Variants in HPSE2 observed in about 807,000 individuals in gnomAD.
HPSE2 encodes the protein inactive heparanase-2.
HPSE2 carries 38 observed loss-of-function variants against 60.5 expected under a neutral mutation model. The observed-to-expected ratio is 0.63, with a 90% confidence interval of 0.48 to 0.82. The LOEUF (loss-of-function observed/expected upper bound fraction) is 0.82, where lower values mean the gene tolerates loss of function less well. HPSE2 is among the 40% of genes least tolerant of loss of function. The pLI is 0.00. For missense variants in HPSE2, 713 were observed against 740.4 expected (o/e 0.96, Z 0.43); for synonymous variants, 295 against 293.2 (o/e 1.01, Z -0.06).
In HPSE2 at chr10:99,235,552, TC is replaced by T. The variant is rs765758234; in HGVS notation, c.250del (p.Asp84IlefsTer13). On this transcript the variant is annotated frameshift_variant, in exon 1 of 12. Transcript: ENST00000370552. LOFTEE classifies it high-confidence loss of function. ...CCAGCCATCATGAATGATGGACGGA[TC>T]CAGCTGCAGAGAGAGGAAGTTCTCA... ...VNENFLSLQL[D>X]PSIIHDGWLD... The T allele has an allele frequency of 1.2e-5, 19 of 1,613,966 alleles. No individual in the cohort carries two copies. Among genetic ancestry groups the T allele is most frequent in the Non-Finnish European group, 1.5e-5 (18 of 1,180,036 alleles).
At chr10:98,527,163 C>T (rs1489860387) in intron 9 of HPSE2, among the ~76,000 whole-genome samples, 1 of 152,122 alleles carries the variant, frequency 6.6e-6, no homozygotes, top group Non-Finnish European at 1.5e-5. Context: ...ATTGCCATTA[C>T]CTTAGTTGAG....
chr10:98,520,508 TG>T (rs1348480822), intron 9 of HPSE2, among the ~76,000 whole-genome samples: 1 of 152,140 alleles, frequency 6.6e-6, no homozygotes, highest in Non-Finnish European at 1.5e-5. Context: ...ACTAAACCCG[TG>T]GGGACAGCAG....
Position 99,179,397 on chromosome 10 carries a change from A to G in HPSE2, c.449-34998T>C, listed in dbSNP as rs146555734. Among the ~76,000 whole-genome samples, 356 of 152,360 alleles carry G rather than the reference A, an allele frequency of 2.3e-3. 2 individuals are homozygous for G. The highest frequency in any genetic ancestry group is 4.1e-3 in the Non-Finnish European group (277 of 68,036). On this transcript the variant is annotated intron_variant, in intron 2 of 11. Transcript: ENST00000370552. ...CATCGCAAAATTTCCTTAAGCTGAT[A>G]AGCAACTTCAGCAAGGTCTCGGATA...
intron 11 of HPSE2, among the ~76,000 whole-genome samples, chr10:98,462,959 CTTTT>C (rs56061368): frequency 1.4e-5 from 2 of 146,656 alleles, no homozygotes; most frequent in African/African-American, 2.5e-5. Flanking sequence ...CTTATCTCTG[CTTTT>C]TTTTTTTTTT....
chr10:98,856,109 G>A (rs369200759), intron 3 of HPSE2, among the ~76,000 whole-genome samples: 6 of 151,490 alleles, frequency 4.0e-5, no homozygotes, highest in African/African-American at 1.5e-4. Flanking sequence ...AGAAAGAGAG[G>A]TACACCCATC....
intron 2 of HPSE2, among the ~76,000 whole-genome samples, chr10:99,208,996 T>C (rs954571589): frequency 1.3e-5 from 2 of 152,130 alleles, no homozygotes; most frequent in African/African-American, 4.8e-5. Flanking sequence ...CACCTAAATA[T>C]ATAAAGCAAA....
intron 3 of HPSE2, among the ~76,000 whole-genome samples, chr10:99,008,688 T>C (rs1564733078): frequency 6.6e-6 from 1 of 152,154 alleles, no homozygotes; most frequent in East Asian, 1.9e-4. Context: ...ATATATTGCG[T>C]TTAATGTGTC....
Position 98,460,876 on chromosome 10 carries a change from C to T in HPSE2, c.1614-1137G>A, listed in dbSNP as rs535535857. Among the ~76,000 whole-genome samples, 3 of 152,340 alleles carry T rather than the reference C, an allele frequency of 2.0e-5. No homozygotes were observed. In the South Asian group the frequency reaches 6.2e-4, roughly 32 times the overall value. ...ATGGTACCAGAATCCAGATAATGTT[C>T]CAGCTGTTCCTGACAGCCATGCACC... On this transcript the variant is annotated intron_variant, in intron 11 of 11. Coordinates refer to ENST00000370552, the MANE Select transcript of HPSE2 (RefSeq NM_021828.5).
chr10:98,705,537 A>G (rs1351441086), intron 5 of HPSE2, among the ~76,000 whole-genome samples: 1 of 152,248 alleles, frequency 6.6e-6, no homozygotes. Flanking sequence ...CTAAATAAAG[A>G]AAATGTGGTA....
chr10:98,803,110 A>G (rs1325216718), intron 3 of HPSE2, among the ~76,000 whole-genome samples: 3 of 151,922 alleles, frequency 2.0e-5, no homozygotes, highest in South Asian at 2.1e-4. Context: ...TTGGCTGCAT[A>G]TATGTCTTCT....
At chr10:99,115,766 T>C (rs1228410936) in intron 3 of HPSE2, among the ~76,000 whole-genome samples, 2 of 152,224 alleles carry the variant, frequency 1.3e-5, no homozygotes, top group African/African-American at 4.8e-5. Context: ...AAAAAAAGTA[T>C]TCACTTATGT....
chr10:98,866,916 T>C (rs1952601789), intron 3 of HPSE2, among the ~76,000 whole-genome samples: 2 of 152,028 alleles, frequency 1.3e-5, no homozygotes, highest in Admixed American at 1.3e-4. Context: ...TAATAACAAA[T>C]AGAAATCTGT....
the HPSE2 span, among the ~76,000 whole-genome samples, chr10:99,308,398 G>GAAAAAAAAAAAAAAAAAAAAAA: frequency 0.012 from 652 of 55,936 alleles, no homozygotes; most frequent in Non-Finnish European, 0.015. Flanking sequence ...AAAAAAAAAG[G>GAAAAAAAAAAAAAAAAAAAAAA]AAACCATCAA....
intron 3 of HPSE2, among the ~76,000 whole-genome samples, chr10:99,010,704 C>CT (rs1956992996): frequency 6.6e-6 from 1 of 152,164 alleles, no homozygotes; most frequent in African/African-American, 2.4e-5. Flanking sequence ...CCATCTAACT[C>CT]TAAGAATCTA....
At chr10:98,580,860 G>GTGTGTGTGTGTC (rs1944778176) in intron 9 of HPSE2, among the ~76,000 whole-genome samples, 1 of 146,386 alleles carries the variant, frequency 6.8e-6, no homozygotes, top group African/African-American at 2.6e-5. Context: ...GTGTGTGTGT[G>GTGTGTGTGTGTC]TGTGATAAAC....
intron 3 of HPSE2, among the ~76,000 whole-genome samples, chr10:98,834,252 T>A (rs998653447): frequency 1.3e-5 from 2 of 152,116 alleles, no homozygotes; most frequent in Non-Finnish European, 2.9e-5. Flanking sequence ...ATAACTGCAA[T>A]TGATTGAGAC....
intron 3 of HPSE2, among the ~76,000 whole-genome samples, chr10:99,015,294 T>G (rs1957113195): frequency 6.6e-6 from 1 of 152,122 alleles, no homozygotes; most frequent in African/African-American, 2.4e-5. Context: ...GAAATACCAT[T>G]TGACCCAGCC....
At chr10:98,529,262 G>T (rs1943063675) in intron 9 of HPSE2, among the ~76,000 whole-genome samples, 1 of 152,278 alleles carries the variant, frequency 6.6e-6, no homozygotes, top group Admixed American at 6.5e-5. Context: ...TATTTTTGTT[G>T]TGTTGAGATA....
At chr10:99,244,299 G>GT in the HPSE2 span, among the ~76,000 whole-genome samples, 1 of 151,836 alleles carries the variant, frequency 6.6e-6, no homozygotes, top group Non-Finnish European at 1.5e-5. Flanking sequence ...TTACAAGCGT[G>GT]AGCCACCACG....
Sources: gnomAD v4.1 joint callset for allele counts (sites outside exome capture counted in the v4.1 genomes callset) on GRCh38, gnomAD v4.1.1 for gene constraint, MANE v1.5 for transcripts, NCBI Gene and HGNC (gene_info 2026-07-23, HGNC 2026-07-21) for gene names.